The following TJP3 variants were observed in gnomAD, a reference collection of about 807,000 sequenced individuals.
TJP3 encodes tight junction protein 3.
A neutral mutation model predicts 104.2 loss-of-function variants in TJP3; 85 were observed. The ratio of observed to expected loss-of-function variants is 0.82; its 90% CI spans 0.68 to 0.98. The LOEUF is 0.98. TJP3 is among the 50% of genes least tolerant of loss of function. The pLI is 0.00. For synonymous variants in TJP3, 550 were observed against 550.6 expected (o/e 1.00, Z 0.02); for missense variants, 1,367 against 1,322.8 (o/e 1.03, Z -0.52).
rs2036922587 is a variant in TJP3 at position 3,747,895 on chromosome 19, GACGGACGGCGAGGGCGGCGCGTAC to G, written c.2430_2453del (p.Gly814_Gly821del). ...ACAGCCGCGTTAACAGCGACTACGA[GACGGACGGCGAGGGCGGCGCGTAC>G]ACGGATGGCGAGGGCTACACAGACG... On this transcript the variant is annotated inframe_deletion, in exon 19 of 21. Coordinates refer to ENST00000541714, the MANE Select transcript of TJP3 (RefSeq NM_001267560.2). 8 of 1,613,286 alleles carry G rather than the reference GACGGACGGCGAGGGCGGCGCGTAC, an allele frequency of 5.0e-6. No homozygotes were observed. Among genetic ancestry groups the G allele is most frequent in the South Asian group, 1.1e-5 (1 of 91,076 alleles).
chr19:3,740,968 C>T (rs2036808057), intron 14 of TJP3, among the ~76,000 whole-genome samples: 1 of 152,080 alleles, frequency 6.6e-6, no homozygotes, highest in Non-Finnish European at 1.5e-5. Context: ...AGCAAGACTA[C>T]ATCTCTACCT....
At chr19:3,740,317 A>G (rs1262773181) in intron 13 of TJP3, among the ~76,000 whole-genome samples, 4 of 152,280 alleles carry the variant, frequency 2.6e-5, no homozygotes, top group South Asian at 4.1e-4. Context: ...GTGAGGCAGG[A>G]GAATCGCCTG....
chr19:3,721,920 C>A (rs568121066), intron 1 of TJP3: 118 of 1,225,198 alleles, frequency 9.6e-5, no homozygotes, highest in Non-Finnish European at 1.2e-4. Context: ...GGCGAGTAAC[C>A]CTCCAAGGGT....
chr19:3,719,885 C>A (rs2036526674), intron 1 of TJP3, among the ~76,000 whole-genome samples: 1 of 152,134 alleles, frequency 6.6e-6, no homozygotes, highest in Admixed American at 6.6e-5. Flanking sequence ...GTGATGGCCG[C>A]AAAAGGGAAG....
intron 14 of TJP3, 65 bp from the exon 15 acceptor site, chr19:3,743,874 A>G (rs2036852728): frequency 3.4e-6 from 5 of 1,478,054 alleles, no homozygotes; most frequent in Non-Finnish European, 4.7e-6. Context: ...GGGTTTGTAC[A>G]ACACACTAGC....
chr19:3,738,943 C>G lies in TJP3; in HGVS notation c.1440C>G (p.Ile480Met). Residue 480 changes from isoleucine to methionine, a missense_variant, in exon 13 of 21, where the codon ATC becomes ATG. By Grantham distance (10) the Ile-to-Met change is conservative. Coordinates refer to ENST00000541714, the MANE Select transcript of TJP3 (RefSeq NM_001267560.2). Reference sequence around the variant, plus strand: ...CCCGCGTGGGTGACTCCTTCTACATCCGCACTCACTTTGAGCTGGAGCCCA... The same window carrying G: ...CCCGCGTGGGTGACTCCTTCTACATGCGCACTCACTTTGAGCTGGAGCCCA... ...VQSRVGDSFY[I>M]RTHFELEPSP... is the part of the protein sequence containing the mutation. The G allele has an allele frequency of 6.2e-7, 1 of 1,612,700 alleles. No homozygotes were observed. Among genetic ancestry groups the G allele is most frequent in the East Asian group, 2.2e-5 (1 of 44,860 alleles).
At chr19:3,745,292 C>T (rs1376928830) in intron 15 of TJP3, among the ~76,000 whole-genome samples, 3 of 151,482 alleles carry the variant, frequency 2.0e-5, no homozygotes, top group Non-Finnish European at 2.9e-5. Context: ...ATTACAGGCA[C>T]GCGCCACCAT....
At chr19:3,741,355 C>T (rs940200160) in intron 14 of TJP3, among the ~76,000 whole-genome samples, 3 of 151,866 alleles carry the variant, frequency 2.0e-5, no homozygotes, top group Admixed American at 6.6e-5. Context: ...CTATAGTCCC[C>T]GCTGCTTGGG....
intron 19 of TJP3, among the ~76,000 whole-genome samples, chr19:3,748,971 C>T (rs1403040081): frequency 2.0e-5 from 3 of 149,276 alleles, no homozygotes; most frequent in Admixed American, 6.8e-5. Context: ...CGTTTCTCCT[C>T]CCTCAGACTC....
chr19:3,737,599 G>A (rs536950688), intron 11 of TJP3, among the ~76,000 whole-genome samples: 32 of 151,962 alleles, frequency 2.1e-4, no homozygotes, highest in Admixed American at 7.2e-4. Flanking sequence ...TGTCCCTTGC[G>A]CGAGTTCACT....
intron 8 of TJP3, among the ~76,000 whole-genome samples, chr19:3,735,030 T>C (rs1465110320): frequency 6.6e-6 from 1 of 152,108 alleles, no homozygotes; most frequent in Non-Finnish European, 1.5e-5. Flanking sequence ...CTAATTTTCA[T>C]ATTTTTGGTA....
In TJP3 at chr19:3,750,122, C is replaced by T. The variant is rs202036271; in HGVS notation, c.2611-16C>T. On this transcript the variant is annotated splice_polypyrimidine_tract_variant and intron_variant, in intron 19 of 20. Transcript: ENST00000541714. ...CTGGGGGGAGTTTTGAAGCTCCTCT[C>T]TCCCTCTCCTCCAAGGTGGACAGCC... is the stretch of plus-strand genomic sequence containing the variant. 3.1e-6 allele frequency: 5 copies of T among 1,614,116 alleles called. No individual in the cohort carries two copies. The highest frequency in any genetic ancestry group is 2.2e-5 in the East Asian group (1 of 44,880).
chr19:3,732,158 T>C, intron 6 of TJP3, 120 bp downstream of exon 6: 1 of 751,128 alleles, frequency 1.3e-6, no homozygotes, highest in Non-Finnish European at 2.1e-6. Context: ...CCTTCAGTGT[T>C]GTTGCTTGTA....
chr19:3,744,832 G>A (rs1302767653), intron 15 of TJP3, among the ~76,000 whole-genome samples: 1 of 152,132 alleles, frequency 6.6e-6, no homozygotes, highest in Non-Finnish European at 1.5e-5. Flanking sequence ...GGAAGCTGAG[G>A]CAGGAGAATT....
At chr19:3,733,006 TTC>T (rs2036691589) in intron 6 of TJP3, among the ~76,000 whole-genome samples, 1 of 144,728 alleles carries the variant, frequency 6.9e-6, no homozygotes, top group Non-Finnish European at 1.5e-5. Context: ...CTGTTTTCTT[TTC>T]TCTTTTCTTT....
chr19:3,744,644 C>T (rs766235395), intron 15 of TJP3, among the ~76,000 whole-genome samples: 32 of 141,996 alleles, frequency 2.3e-4, no homozygotes, highest in Middle Eastern at 0.01. Flanking sequence ...AGCCTGACGA[C>T]GGAATGAGAC....
intron 5 of TJP3, among the ~76,000 whole-genome samples, chr19:3,731,370 T>C (rs143674849): frequency 0.016 from 2,452 of 152,230 alleles, 71 homozygotes; most frequent in African/African-American, 0.057. Context: ...TGGTGGCTGA[T>C]GCCTGTAATC....
Position 3,746,793 on chromosome 19 carries a change from G to A in TJP3, c.2239G>A (p.Gly747Ser), listed in dbSNP as rs2036900037. ...HLFTATIPLNGTSDTWYQELK... is the reference protein window; with the variant it reads ...HLFTATIPLNSTSDTWYQELK... ...CCCTGCAGCCACCATCCCTCTGAAT[G>A]GCACGAGTGACACCTGGTACCAGGA... The change falls in exon 18 of 21, where the codon GGC (glycine) becomes AGC (serine). Residue 747 changes from glycine to serine, a missense_variant. Physicochemically the swap from Gly to Ser is moderately conservative, Grantham distance 56. Coordinates refer to ENST00000541714, the MANE Select transcript of TJP3 (RefSeq NM_001267560.2). The surrounding 1 kb of genome is among the most constrained non-coding windows in gnomAD (Gnocchi z 4.1). 6.2e-7 allele frequency: 1 copy of A among 1,610,660 alleles called. No homozygotes were observed. The highest frequency in any genetic ancestry group is 1.7e-5 in the Admixed American group (1 of 59,538).
At chr19:3,727,779 TGCCCAGCTACTCAGGA>T (rs950503075) in intron 1 of TJP3, among the ~76,000 whole-genome samples, 14 of 151,672 alleles carry the variant, frequency 9.2e-5, no homozygotes, top group South Asian at 4.2e-4. Flanking sequence ...CACCTGTAGG[TGCCCAGCTACTCAGGA>T]GCCCAGCTAC....
Sources: gnomAD v4.1 joint callset for allele counts (sites outside exome capture counted in the v4.1 genomes callset) on GRCh38, gnomAD v4.1.1 for gene constraint, Gnocchi (gnomAD v3.1) non-coding constraint, MANE v1.5 for transcripts, NCBI Gene and HGNC (gene_info 2026-07-23, HGNC 2026-07-21) for gene names.